FN1: variants seen among roughly 807,000 people sequenced by gnomAD.
FN1 encodes the protein fibronectin 1.
Under a neutral mutation model 297.3 loss-of-function variants are expected in FN1, and 106 were observed. That is an observed-to-expected ratio of 0.36 (90% confidence interval 0.30 to 0.42). The LOEUF is 0.42. FN1 is among the 10% of genes least tolerant of loss of function. FN1 has a pLI of 1.00. For synonymous variants in FN1, 1,149 were observed against 1,152.6 expected (o/e 1.00, Z 0.06); for missense variants, 2,690 against 3,124.9 (o/e 0.86, Z 3.32).
intron 6 of FN1, 44 bp downstream of exon 6, chr2:215,428,136 G>A (rs746397501): frequency 3.1e-6 from 5 of 1,609,602 alleles, no homozygotes; most frequent in Non-Finnish European, 4.2e-6. Context: ...AATATTTCTT[G>A]ACCTGCTTCC....
intron 41 of FN1, 112 bp from the exon 42 acceptor site, chr2:215,368,139 A>T: frequency 8.6e-7 from 1 of 1,162,054 alleles, no homozygotes; most frequent in African/African-American, 1.5e-5. Context: ...CAAGAATTCC[A>T]GGAGGATTAA....
Position 215,361,551 on chromosome 2 carries a change from T to G in FN1, c.*4A>C. On this transcript the variant is annotated 3_prime_UTR_variant, in exon 46 of 46. Coordinates refer to ENST00000354785, the MANE Select transcript of FN1 (RefSeq NM_212482.4). ...TGCTTGTTCCTCTGGATTGGAAAGA[T>G]GATTTACTCTCGGGAATCTTCTCTG... The G allele has an allele frequency of 6.3e-7, 1 of 1,593,908 alleles. No homozygotes were observed. Among genetic ancestry groups the G allele is most frequent in the Non-Finnish European group, 8.6e-7 (1 of 1,161,832 alleles).
chr2:215,366,494 A>G (rs1443478278), intron 42 of FN1, among the ~76,000 whole-genome samples: 4 of 152,224 alleles, frequency 2.6e-5, no homozygotes, highest in Non-Finnish European at 5.9e-5. Context: ...ATGCTAAATC[A>G]TTGGTTATTA....
chr2:215,425,218 G>A lies in FN1; in HGVS notation c.912C>T (p.Pro304=), dbSNP rs1197832895. 1 of 1,614,176 alleles carries A rather than the reference G, an allele frequency of 6.2e-7. No individual in the cohort carries two copies. The highest frequency in any genetic ancestry group is 8.5e-7 in the Non-Finnish European group (1 of 1,180,044). The change falls in exon 7 of 46, where the codon CCC becomes CCT. Residue 304 remains proline, a synonymous_variant. Transcript: ENST00000354785. ...CACTGTCTGTGACACAGTGGCCATAGGGAGGAGGCTGGGGGTGAGGCTGCG... is the reference window on the plus strand; with the variant it reads ...CACTGTCTGTGACACAGTGGCCATAAGGAGGAGGCTGGGGGTGAGGCTGCG... ...YQPQPHPQPP[P]YGHCVTDSGV...
Position 215,367,970 on chromosome 2 carries a change from G to A in FN1, c.6911C>T (p.Ser2304Phe), listed in dbSNP as rs766531386. 4 of 1,614,188 alleles carry A rather than the reference G, an allele frequency of 2.5e-6. No homozygotes were observed. The highest frequency in any genetic ancestry group is 1.1e-5 in the South Asian group (1 of 91,084). ...CCACTCATCTCCAACGGCATAATGG[G>A]AAACTGTGTAGGGGTCAAAGCACGA... ...DDSCFDPYTVSHYAVGDEWER... is the reference protein window; with the variant it reads ...DDSCFDPYTVFHYAVGDEWER... The change falls in exon 42 of 46, where the codon TCC becomes TTC. Residue 2304 changes from serine to phenylalanine, a missense_variant. Ser to Phe is a radical substitution (Grantham distance 155). This residue lies in a region of FN1 where 1,743 missense variants were observed against 1,945.2 expected (regional missense o/e 0.90). Coordinates refer to ENST00000354785, the MANE Select transcript of FN1 (RefSeq NM_212482.4).
At chr2:215,372,830 G>C (rs2056494587) in intron 39 of FN1, among the ~76,000 whole-genome samples, 1 of 152,162 alleles carries the variant, frequency 6.6e-6, no homozygotes, top group Admixed American at 6.5e-5. Context: ...GGTAAAAATA[G>C]ATAAAACACA....
chr2:215,420,372 A>C (rs934806425), intron 11 of FN1, among the ~76,000 whole-genome samples: 21 of 146,802 alleles, frequency 1.4e-4, no homozygotes, highest in Non-Finnish European at 1.9e-4. Context: ...AACAAACAAA[A>C]AAAAAAGGAA....
At chr2:215,404,707 T>C (rs777978860) in intron 19 of FN1, 52 bp from the exon 20 acceptor site, 2 of 1,514,862 alleles carry the variant, frequency 1.3e-6, no homozygotes, top group East Asian at 2.3e-5. Context: ...GTAATGATCA[T>C]AACTCAAGTC....
rs565717644 is a variant in FN1, at chr2:215,381,707, C to T, written c.5164+505G>A. The stretch of plus-strand genomic sequence containing the variant: ...CAGGCTGGTCTCGAACTCCTGACCT[C>T]GTGATCCGCCTGCCTCAGCCTCCCA... On this transcript the variant is annotated intron_variant, in intron 32 of 45. Transcript: ENST00000354785. 107 of 208,296 alleles carry T rather than the reference C, an allele frequency of 5.1e-4. 1 individual carries two copies. In the South Asian group the frequency reaches 8.3e-3, roughly 16 times the overall value. 12.9% of individuals were successfully genotyped at this position (208,296 alleles called of 1,614,324 possible). A position where few individuals can be genotyped will look rare whatever the true frequency, so the allele number is the denominator to read the frequency against.
intron 38 of FN1, among the ~76,000 whole-genome samples, chr2:215,374,076 AAG>A (rs2056805196): frequency 6.6e-6 from 1 of 152,272 alleles, no homozygotes; most frequent in Middle Eastern, 3.4e-3. Flanking sequence ...ATAAATTTGA[AAG>A]AGAGTCCTGC....
chr2:215,397,993 C>G, intron 21 of FN1, 145 bp from the exon 22 acceptor site: 1 of 745,262 alleles, frequency 1.3e-6, no homozygotes, highest in Middle Eastern at 3.6e-4. Flanking sequence ...TTTGGGGACT[C>G]TTTTATATAC....
chr2:215,367,710 T>G lies in FN1; in HGVS notation c.7018+153A>C, dbSNP rs1346385201. The G allele has an allele frequency of 3.8e-6, 3 of 781,492 alleles. No individual in the cohort carries two copies. In the East Asian group the frequency reaches 8.1e-5, roughly 21 times the overall value. The allele number at this position is 781,492 out of a possible 1,614,324, so 48.4% of individuals were successfully genotyped here. A position where few individuals can be genotyped will look rare whatever the true frequency, so the allele number is the denominator to read the frequency against. ...AAAATTTCCCATCATTTTTCTATGA[T>G]GCAAAATATTACTTCGAGTCAAACA... On this transcript the variant is annotated intron_variant, in intron 42 of 45. Transcript: ENST00000354785.
rs1575625787 is a variant in FN1 at position 215,408,170 on chromosome 2, A to G, written c.2456T>C (p.Val819Ala). 1.2e-6 allele frequency: 2 copies of G among 1,614,116 alleles called. No individual in the cohort carries two copies. The highest frequency in any genetic ancestry group is 2.2e-5 in the East Asian group (1 of 44,862). Residue 819 changes from valine (V) to alanine (A), a missense_variant, in exon 17 of 46, where the codon GTG becomes GCG. Physicochemically the swap from Val to Ala is moderately conservative, Grantham distance 64. Around this residue, in one of 3 missense-constraint regions of FN1, gnomAD observed 876 missense variants for 1,058.1 expected, o/e 0.83. Transcript: ENST00000354785. The part of the protein sequence containing the change: ...TAPDAPPDTT[V>A]DQVDDTSIVV... ...AATTGAGGTGTCATCAACTTGGTCCACAGTCGTGTCAGGAGGGGCATCAGG... is the reference window on the plus strand; with the variant it reads ...AATTGAGGTGTCATCAACTTGGTCCGCAGTCGTGTCAGGAGGGGCATCAGG...
chr2:215,393,071 G>T lies in FN1; in HGVS notation c.3929C>A (p.Pro1310His). 1 of 1,614,064 alleles carries T rather than the reference G, an allele frequency of 6.2e-7. No individual in the cohort carries two copies. The highest frequency in any genetic ancestry group is 1.1e-5 in the South Asian group (1 of 91,080). The part of the protein sequence containing the change: ...ITVVAAGEGI[P>H]IFEDFVDSSV... ...GGAGTCCACAAAATCTTCAAAAATA[G>T]GGATACCTTCTCCTGCCGCAACTAC... The change falls in exon 25 of 46, where the codon CCT becomes CAT. Residue 1310 changes from proline (P) to histidine (H), a missense_variant. Pro to His is a moderately conservative substitution (Grantham distance 77, BLOSUM62 -2). Coordinates refer to ENST00000354785, the MANE Select transcript of FN1 (RefSeq NM_212482.4).
chr2:215,400,069 T>C (rs1180739768), intron 20 of FN1, among the ~76,000 whole-genome samples: 1 of 151,942 alleles, frequency 6.6e-6, no homozygotes, highest in Non-Finnish European at 1.5e-5. Context: ...ATGCCTGTAG[T>C]CCCAGCTTCT....
intron 35 of FN1, among the ~76,000 whole-genome samples, chr2:215,377,107 TG>T (rs2057426619): frequency 6.6e-6 from 1 of 151,318 alleles, no homozygotes; most frequent in African/African-American, 2.5e-5. Flanking sequence ...TGTGTGTGTG[TG>T]TGTCTAATAT....
Position 215,378,188 on chromosome 2 carries a change from G to T in FN1, c.5697C>A (p.Val1899=). The T allele has an allele frequency of 1.2e-6, 2 of 1,601,668 alleles. No individual in the cohort carries two copies. ...TTTGTTACTTACTCTCCAGAGTGGT[G>T]ACAACTCCCTGAGCTGGTCTGCTTG... ...TLTSRPAQGV[V]TTLENVSPPR... is the part of the protein sequence containing the mutation. The change falls in exon 35 of 46, where the codon GTC becomes GTA. Residue 1899 remains valine, a synonymous_variant. Coordinates refer to ENST00000354785, the MANE Select transcript of FN1 (RefSeq NM_212482.4).
chr2:215,423,824 A>C (rs2064876132), intron 8 of FN1, among the ~76,000 whole-genome samples: 1 of 152,188 alleles, frequency 6.6e-6, no homozygotes, highest in African/African-American at 2.4e-5. Flanking sequence ...AAGGCACTAA[A>C]ACATTCATCC....
Position 215,375,384 on chromosome 2 carries a change from G to C in FN1, c.5987C>G (p.Ala1996Gly). 1 of 1,608,304 alleles carries C rather than the reference G, an allele frequency of 6.2e-7. No homozygotes were observed. The highest frequency in any genetic ancestry group is 8.5e-7 in the Non-Finnish European group (1 of 1,178,778). ...VVIDASTAID[A>G]PSNLRFLATT... is the part of the protein sequence containing the mutation. ...GGCCAGGAAACGCAGGTTGGATGGT[G>C]CATCAATGGCTGAAAGAAAACAAAA... The change falls in exon 38 of 46, where the codon GCA becomes GGA. Residue 1996 changes from alanine to glycine, a missense_variant. Ala to Gly is a moderately conservative substitution (Grantham distance 60, BLOSUM62 0). Coordinates refer to ENST00000354785, the MANE Select transcript of FN1 (RefSeq NM_212482.4).
Sources: allele counts gnomAD v4.1 joint callset (sites outside exome capture counted in the v4.1 genomes callset), GRCh38; gene constraint gnomAD v4.1.1; regional missense constraint gnomAD v4.1.1; transcripts MANE v1.5; gene names NCBI Gene and HGNC (gene_info 2026-07-23, HGNC 2026-07-21).